The following CDH18 variants were observed in gnomAD, a reference collection of about 807,000 sequenced individuals.
CDH18 encodes the protein cadherin-18.
Under a neutral mutation model 67.9 loss-of-function variants are expected in CDH18, and 31 were observed. The ratio of observed to expected loss-of-function variants is 0.46; its 90% CI spans 0.34 to 0.62. CDH18 has a LOEUF of 0.62. Among genes scored for constraint, CDH18 ranks in the 20% least tolerant of loss-of-function variants. The pLI is 0.01. For missense variants in CDH18, 890 were observed against 975.5 expected (o/e 0.91, Z 1.17); for synonymous variants, 362 against 347.2 (o/e 1.04, Z -0.48).
intron 5 of CDH18, among the ~76,000 whole-genome samples, chr5:19,623,950 T>C (rs899557658): frequency 4.0e-5 from 6 of 149,238 alleles, no homozygotes; most frequent in Middle Eastern, 3.6e-3. Context: ...TTTTATATCA[T>C]GATTTAATTT....
At chr5:19,628,812 T>C (rs752205771) in intron 5 of CDH18, among the ~76,000 whole-genome samples, 3 of 151,950 alleles carry the variant, frequency 2.0e-5, no homozygotes, top group Admixed American at 6.6e-5. Context: ...CTTAACCTTA[T>C]GAAATTAGCA....
intron 5 of CDH18, among the ~76,000 whole-genome samples, chr5:19,702,117 C>T (rs940771456): frequency 7.4e-5 from 11 of 148,492 alleles, no homozygotes; most frequent in African/African-American, 2.2e-4. Context: ...CCGCTACACT[C>T]TTCTGCAGTG....
At chr5:19,748,129 A>AAAAAAAAAAAAAAAAAAAAAAAAAAT (rs1561215737) in intron 3 of CDH18, among the ~76,000 whole-genome samples, 1 of 145,004 alleles carries the variant, frequency 6.9e-6, no homozygotes, top group Non-Finnish European at 1.5e-5. Context: ...AAAAAAAAAA[A>AAAAAAAAAAAAAAAAAAAAAAAAAAT]AAAAGAGTAC....
At chr5:20,414,274 C>T (rs1346313702) in intron 1 of CDH18, among the ~76,000 whole-genome samples, 2 of 146,942 alleles carry the variant, frequency 1.4e-5, no homozygotes, top group East Asian at 4.1e-4. Context: ...CTTGGAATCA[C>T]CCCAGGTGCT....
At chr5:20,284,455 A>G (rs1226597404) in intron 1 of CDH18, among the ~76,000 whole-genome samples, 1 of 152,058 alleles carries the variant, frequency 6.6e-6, no homozygotes, top group Non-Finnish European at 1.5e-5. Flanking sequence ...TCTAACAAAC[A>G]GAAAACATGC....
chr5:19,906,283 C>T (rs1417825135), intron 2 of CDH18, among the ~76,000 whole-genome samples: 1 of 151,810 alleles, frequency 6.6e-6, no homozygotes, highest in African/African-American at 2.4e-5. Flanking sequence ...GAATAAACAC[C>T]TTCTACCCCA....
chr5:19,760,403 A>T (rs1772177744), intron 3 of CDH18, among the ~76,000 whole-genome samples: 1 of 151,942 alleles, frequency 6.6e-6, no homozygotes, highest in Non-Finnish European at 1.5e-5. Context: ...AGCCCTTTGG[A>T]TCTCTTCCTC....
At chr5:20,200,470 T>A (rs1739362631) in intron 2 of CDH18, among the ~76,000 whole-genome samples, 1 of 152,114 alleles carries the variant, frequency 6.6e-6, no homozygotes, top group African/African-American at 2.4e-5. Flanking sequence ...GCTCAGGAGT[T>A]CAAGACCAGC....
chr5:19,819,945 G>A (rs956518498), intron 3 of CDH18, among the ~76,000 whole-genome samples: 2 of 152,134 alleles, frequency 1.3e-5, no homozygotes, highest in African/African-American at 4.8e-5. Context: ...CCAGCTGAGT[G>A]TTTTTCCAGT....
At chr5:19,819,425 A>G (rs1779620783) in intron 3 of CDH18, among the ~76,000 whole-genome samples, 1 of 152,184 alleles carries the variant, frequency 6.6e-6, no homozygotes. Flanking sequence ...ATCTTTTGAG[A>G]GAAAACACTC....
intron 2 of CDH18, among the ~76,000 whole-genome samples, chr5:20,021,483 G>A (rs1738416269): frequency 6.6e-6 from 1 of 152,134 alleles, no homozygotes; most frequent in Non-Finnish European, 1.5e-5. Context: ...CTGGTATGAG[G>A]AGATTGGATC....
chr5:19,930,113 C>A (rs1015179784), intron 2 of CDH18, among the ~76,000 whole-genome samples: 2 of 151,932 alleles, frequency 1.3e-5, no homozygotes, highest in Non-Finnish European at 2.9e-5. Flanking sequence ...TTTAAAGAAC[C>A]TTAAGGGTCA....
chr5:20,323,024 G>A (rs537882615), intron 1 of CDH18, among the ~76,000 whole-genome samples: 7 of 152,016 alleles, frequency 4.6e-5, no homozygotes, highest in African/African-American at 7.2e-5. Flanking sequence ...AAAAAAAGCA[G>A]GTTAAAATGA....
chr5:19,603,439 C>T (rs351315), intron 6 of CDH18, among the ~76,000 whole-genome samples: 5,808 of 152,044 alleles, frequency 0.038, 326 homozygotes, highest in African/African-American at 0.12. Context: ...TTCAATAGTA[C>T]CATTGGTTGC....
At chr5:19,826,229 T>C (rs1471112613) in intron 3 of CDH18, among the ~76,000 whole-genome samples, 1 of 152,078 alleles carries the variant, frequency 6.6e-6, no homozygotes, top group Non-Finnish European at 1.5e-5. Flanking sequence ...TATGAGATTA[T>C]GTAAAGAGAC....
chr5:19,773,116 T>C (rs902704743), intron 3 of CDH18, among the ~76,000 whole-genome samples: 1 of 152,150 alleles, frequency 6.6e-6, no homozygotes, highest in African/African-American at 2.4e-5. Context: ...GATTCTTATC[T>C]CTGTTTCATA....
In CDH18 at chr5:19,755,427, G is replaced by GTGTATATATATATA. The variant is rs1554024291; in HGVS notation, c.229-8192_229-8191insTATATATATATACA. Reference sequence around the variant, plus strand: ...TCTCTAGAGGGACAGAACTAACAGGGTATGTATATATATATATATATATAT... The same window carrying GTGTATATATATATA: ...TCTCTAGAGGGACAGAACTAACAGGGTGTATATATATATATATGTATATATATATATATATATAT... On this transcript the variant is annotated intron_variant, in intron 3 of 12. Coordinates refer to ENST00000382275, the MANE Select transcript of CDH18 (RefSeq NM_004934.5). Among the ~76,000 whole-genome samples, 101 of 44,646 alleles carry GTGTATATATATATA rather than the reference G, an allele frequency of 2.3e-3. 2 individuals carry two copies. Among genetic ancestry groups the GTGTATATATATATA allele is most frequent in the African/African-American group, 6.3e-3 (99 of 15,660 alleles). 29.3% of individuals were successfully genotyped at this position (44,646 alleles called of 152,430 possible).
chr5:20,279,390 C>T (rs1746047080), intron 1 of CDH18, among the ~76,000 whole-genome samples: 1 of 151,946 alleles, frequency 6.6e-6, no homozygotes, highest in Non-Finnish European at 1.5e-5. Context: ...CTGGAGTACA[C>T]AGATATATAA....
chr5:20,561,143 A>G (rs1758185637), intron 1 of CDH18, among the ~76,000 whole-genome samples: 1 of 152,126 alleles, frequency 6.6e-6, no homozygotes, highest in African/African-American at 2.4e-5. Flanking sequence ...AGGAACTTAC[A>G]TGTTTTGCTA....
Sources: gnomAD v4.1 joint callset for allele counts (sites outside exome capture counted in the v4.1 genomes callset) on GRCh38, gnomAD v4.1.1 for gene constraint, MANE v1.5 for transcripts, NCBI Gene and HGNC (gene_info 2026-07-23, HGNC 2026-07-21) for gene names.